COL19A1: variants seen among roughly 807,000 people sequenced by gnomAD.
COL19A1 encodes the protein collagen type XIX alpha 1 chain.
In COL19A1, 159 loss-of-function variants were observed where a neutral mutation model predicts 190.2. The observed-to-expected ratio is 0.84, with a 90% CI of 0.73 to 0.95. COL19A1 has a LOEUF of 0.95. COL19A1 is among the 40% of genes least tolerant of loss of function. The pLI, the probability that COL19A1 is intolerant of heterozygous loss-of-function variation, is 0.00. For synonymous variants in COL19A1, 509 were observed against 458.9 expected (o/e 1.11, Z -1.39); for missense variants, 1,418 against 1,431.9 (o/e 0.99, Z 0.16).
intron 14 of COL19A1, among the ~76,000 whole-genome samples, chr6:70,054,339 A>G (rs1780376324): frequency 6.6e-6 from 1 of 152,178 alleles, no homozygotes. Context: ...GACAAGAGCG[A>G]AACTCCTCTC....
At chr6:70,034,342 C>T (rs751465922) in intron 13 of COL19A1, 44 bp downstream of exon 13, 3 of 1,425,424 alleles carry the variant, frequency 2.1e-6, no homozygotes, top group Non-Finnish European at 3.0e-6. Context: ...TTTAAGAAAA[C>T]TCTGACAACC....
intron 11 of COL19A1, among the ~76,000 whole-genome samples, chr6:69,992,271 A>T (rs1776669287): frequency 6.6e-6 from 1 of 151,810 alleles, no homozygotes. Flanking sequence ...TTGTTTTTGT[A>T]CCAGTGCCAT....
chr6:70,152,532 A>T (rs1036203866), intron 31 of COL19A1, among the ~76,000 whole-genome samples: 12 of 152,218 alleles, frequency 7.9e-5, no homozygotes, highest in Non-Finnish European at 1.6e-4. Context: ...ATTTGTGGGG[A>T]TTTCAGGAAA....
intron 11 of COL19A1, among the ~76,000 whole-genome samples, chr6:70,016,366 T>TAAAAAAAAAAAAAAA (rs752043571): frequency 2.7e-5 from 1 of 37,646 alleles, no homozygotes; most frequent in African/African-American, 1.4e-4. Flanking sequence ...TAGAGTATAA[T>TAAAAAAAAAAAAAAA]AAAAAAAAAA....
At chr6:70,050,651 A>G (rs1780153568) in intron 14 of COL19A1, among the ~76,000 whole-genome samples, 1 of 152,148 alleles carries the variant, frequency 6.6e-6, no homozygotes, top group African/African-American at 2.4e-5. Context: ...TTACTTGGAT[A>G]TCATAATGAG....
intron 8 of COL19A1, 54 bp downstream of exon 8, chr6:69,936,964 G>C (rs1773155016): frequency 6.3e-7 from 1 of 1,591,162 alleles, no homozygotes; most frequent in African/African-American, 1.3e-5. Context: ...TATGAGCCCA[G>C]CTCCTTGAAT....
intron 4 of COL19A1, among the ~76,000 whole-genome samples, chr6:69,905,748 A>C (rs991996718): frequency 1.3e-5 from 2 of 152,178 alleles, no homozygotes; most frequent in Non-Finnish European, 2.9e-5. Context: ...TTGTACACTT[A>C]GAGGTGGCAC....
At chr6:70,187,091 G>C (rs990523656) in intron 46 of COL19A1, among the ~76,000 whole-genome samples, 17 of 152,176 alleles carry the variant, frequency 1.1e-4, no homozygotes, top group African/African-American at 3.6e-4. Flanking sequence ...TGTTGGTCAG[G>C]CTGGTCTCGA....
At chr6:69,888,945 G>T (rs1246453362) in intron 2 of COL19A1, among the ~76,000 whole-genome samples, 2 of 152,182 alleles carry the variant, frequency 1.3e-5, no homozygotes, top group Admixed American at 6.5e-5. Context: ...TATTGGCAAA[G>T]TAGGATGTGT....
chr6:70,008,712 A>C (rs1046798989), intron 11 of COL19A1, among the ~76,000 whole-genome samples: 1 of 151,918 alleles, frequency 6.6e-6, no homozygotes, highest in Non-Finnish European at 1.5e-5. Context: ...TGATACTGCA[A>C]GTCAAAGACC....
chr6:70,107,015 T>A (rs1562179385), intron 16 of COL19A1, among the ~76,000 whole-genome samples: 1 of 152,184 alleles, frequency 6.6e-6, no homozygotes, highest in Non-Finnish European at 1.5e-5. Context: ...ATTTCCAGTG[T>A]CTTAGGGAAT....
intron 1 of COL19A1, among the ~76,000 whole-genome samples, chr6:69,874,061 G>T (rs62420119): frequency 6.6e-6 from 1 of 152,098 alleles, no homozygotes; most frequent in Non-Finnish European, 1.5e-5. Flanking sequence ...GACCTGTGGG[G>T]ACAGGAAGGA....
At chr6:70,117,113 C>T (rs1224766035) in intron 16 of COL19A1, among the ~76,000 whole-genome samples, 3 of 152,108 alleles carry the variant, frequency 2.0e-5, no homozygotes, top group African/African-American at 7.2e-5. Context: ...GACTAAGGAG[C>T]CACAGAGCTC....
intron 4 of COL19A1, among the ~76,000 whole-genome samples, chr6:69,916,520 G>A (rs1413560393): frequency 1.3e-5 from 2 of 151,998 alleles, no homozygotes; most frequent in Non-Finnish European, 2.9e-5. Context: ...TGTGTTTTGT[G>A]ATACTTCCTG....
At chr6:69,892,951 A>G (rs952768751) in intron 2 of COL19A1, among the ~76,000 whole-genome samples, 1 of 152,344 alleles carries the variant, frequency 6.6e-6, no homozygotes. Flanking sequence ...AGTTGAGGAT[A>G]CTCACTGAGA....
At chr6:70,089,275 A>G (rs987544159) in intron 15 of COL19A1, among the ~76,000 whole-genome samples, 8 of 152,190 alleles carry the variant, frequency 5.3e-5, no homozygotes, top group African/African-American at 1.7e-4. Flanking sequence ...TTTGTCAGCC[A>G]TGATCCAAGA....
chr6:69,988,822 A>G (rs1353903325), intron 11 of COL19A1, among the ~76,000 whole-genome samples: 1 of 152,126 alleles, frequency 6.6e-6, no homozygotes, highest in Non-Finnish European at 1.5e-5. Flanking sequence ...TTACCCAACT[A>G]CCTGTTAGAC....
chr6:70,061,387 C>A (rs1289973725), intron 14 of COL19A1, among the ~76,000 whole-genome samples: 1 of 151,746 alleles, frequency 6.6e-6, no homozygotes, highest in Non-Finnish European at 1.5e-5. Flanking sequence ...AACTTCTAAT[C>A]AAACCCATAG....
At chr6:70,177,212 G>T (rs534680853) in intron 42 of COL19A1, among the ~76,000 whole-genome samples, 7 of 151,974 alleles carry the variant, frequency 4.6e-5, no homozygotes, top group African/African-American at 1.7e-4. Flanking sequence ...TTGTGGTCAC[G>T]CTTTATGAAT....
Sources: gnomAD v4.1 joint callset for allele counts (sites outside exome capture counted in the v4.1 genomes callset) on GRCh38, gnomAD v4.1.1 for gene constraint, MANE v1.5 for transcripts, NCBI Gene and HGNC (gene_info 2026-07-23, HGNC 2026-07-21) for gene names.